Variants in CAMK1D observed in about 807,000 individuals in gnomAD.
The protein encoded by CAMK1D is calcium/calmodulin-dependent protein kinase type 1D.
Under a neutral mutation model 47.7 loss-of-function variants are expected in CAMK1D, and 9 were observed. The observed-to-expected ratio is 0.19, with a 90% CI of 0.11 to 0.33. The LOEUF is 0.33. Among genes scored for constraint, CAMK1D ranks in the 10% least tolerant of loss-of-function variants. The probability of loss-of-function intolerance (pLI) is 1.00; values close to 1 mark genes in which losing one functional copy is unlikely to be tolerated. For missense variants in CAMK1D, 291 were observed against 488.7 expected (o/e 0.60, Z 3.81); for synonymous variants, 184 against 184.9 (o/e 0.99, Z 0.04).
In CAMK1D at chr10:12,449,085, T is replaced by C. The variant is rs1427727405; in HGVS notation, c.92+99175T>C. 3.9e-5 allele frequency among the ~76,000 whole-genome samples: 6 copies of C among 152,232 alleles called. 1 individual carries two copies. Among genetic ancestry groups the C allele is most frequent in the Non-Finnish European group, 5.9e-5 (4 of 68,034 alleles). On this transcript the variant is annotated intron_variant, in intron 1 of 10. Coordinates refer to ENST00000619168, the MANE Select transcript of CAMK1D (RefSeq NM_153498.4). Reference sequence around the variant, plus strand: ...TCTATTACGTCATGTTACTATGTTATGAAAGATTCCAGTTCCTTGGTGCAC... The same window carrying C: ...TCTATTACGTCATGTTACTATGTTACGAAAGATTCCAGTTCCTTGGTGCAC...
intron 1 of CAMK1D, among the ~76,000 whole-genome samples, chr10:12,379,286 C>T (rs1011446047): frequency 2.0e-5 from 3 of 152,206 alleles, no homozygotes; most frequent in Non-Finnish European, 4.4e-5. Flanking sequence ...AGCATGACTG[C>T]TCACCAGGGA....
chr10:12,683,704 C>G (rs1832539341), intron 3 of CAMK1D, among the ~76,000 whole-genome samples: 1 of 150,118 alleles, frequency 6.7e-6, no homozygotes, highest in Non-Finnish European at 1.5e-5. Flanking sequence ...ATAATAGGTT[C>G]ATAATAAATT....
rs117604487 is a variant in CAMK1D at position 12,639,784 on chromosome 10, A to G, written c.225-26952A>G. On this transcript the variant is annotated intron_variant, in intron 2 of 10. Transcript: ENST00000619168. The stretch of plus-strand genomic sequence containing the variant: ...TGTAAGCCCTTAGATGCTTCTCATG[A>G]TAATGCTTCTGGAAACAGATTGTTA... 1.6e-3 allele frequency among the ~76,000 whole-genome samples: 237 copies of G among 152,260 alleles called. 6 individuals are homozygous for G. In the East Asian group the frequency reaches 0.038, roughly 25 times the overall value.
intron 2 of CAMK1D, among the ~76,000 whole-genome samples, chr10:12,586,279 A>G (rs184369388): frequency 4.1e-4 from 62 of 152,230 alleles, no homozygotes; most frequent in Admixed American, 3.7e-3. Flanking sequence ...GGCTAAAGAA[A>G]GTCGATTCCA....
intron 2 of CAMK1D, among the ~76,000 whole-genome samples, chr10:12,590,772 G>A (rs1482039075): frequency 2.6e-5 from 4 of 152,172 alleles, no homozygotes; most frequent in South Asian, 2.1e-4. Flanking sequence ...AACTATAAAG[G>A]ACTTGAGATT....
At chr10:12,414,425 T>C (rs1839774592) in intron 1 of CAMK1D, among the ~76,000 whole-genome samples, 1 of 152,214 alleles carries the variant, frequency 6.6e-6, no homozygotes, top group Non-Finnish European at 1.5e-5. Context: ...TAGGGAAAAA[T>C]AGCTGGGGAG....
intron 1 of CAMK1D, among the ~76,000 whole-genome samples, chr10:12,409,566 ACAC>A (rs1308172608): frequency 5.3e-5 from 8 of 152,248 alleles, no homozygotes; most frequent in Non-Finnish European, 1.2e-4. Context: ...CTACAAGTTG[ACAC>A]CATCACACCT....
chr10:12,828,671 C>T (rs1390726212), intron 10 of CAMK1D, 98 bp from the exon 11 acceptor site: 2 of 921,682 alleles, frequency 2.2e-6, no homozygotes, highest in African/African-American at 3.3e-5. Context: ...CCCCCCCGCC[C>T]CCCACCATAA....
At chr10:12,782,569 C>T (rs939717538) in intron 5 of CAMK1D, among the ~76,000 whole-genome samples, 1 of 152,202 alleles carries the variant, frequency 6.6e-6, no homozygotes, top group African/African-American at 2.4e-5. Context: ...CTCTGATACG[C>T]AGTGTCGCAA....
chr10:12,525,293 C>G (rs1835583902), intron 1 of CAMK1D, among the ~76,000 whole-genome samples: 1 of 152,078 alleles, frequency 6.6e-6, no homozygotes, highest in South Asian at 2.1e-4. Flanking sequence ...AAGTTTTCAG[C>G]CATTCTTTCT....
chr10:12,557,477 G>A (rs1349187461), intron 2 of CAMK1D, among the ~76,000 whole-genome samples: 3 of 150,568 alleles, frequency 2.0e-5, no homozygotes, highest in Admixed American at 1.3e-4. Flanking sequence ...GTGTGAACCC[G>A]GGAGGCAGAG....
chr10:12,428,917 C>T (rs776491646), intron 1 of CAMK1D, among the ~76,000 whole-genome samples: 1 of 152,202 alleles, frequency 6.6e-6, no homozygotes, highest in Admixed American at 6.5e-5. Context: ...CAGAAGAGGG[C>T]GCTCACCAGA....
intron 3 of CAMK1D, among the ~76,000 whole-genome samples, chr10:12,752,912 A>G (rs1175039841): frequency 6.6e-6 from 1 of 152,202 alleles, no homozygotes; most frequent in Non-Finnish European, 1.5e-5. Flanking sequence ...TCATGTACTC[A>G]AGGAATATCA....
At chr10:12,701,159 C>T (rs1024230681) in intron 3 of CAMK1D, among the ~76,000 whole-genome samples, 4 of 150,426 alleles carry the variant, frequency 2.7e-5, no homozygotes, top group Non-Finnish European at 5.9e-5. Context: ...GTCACCCAGG[C>T]TGGAGTGCAA....
chr10:12,816,302 G>C lies in CAMK1D; in HGVS notation c.807G>C (p.Thr269=). The C allele has an allele frequency of 6.2e-7, 1 of 1,613,752 alleles. No individual in the cohort carries two copies. The highest frequency in any genetic ancestry group is 1.1e-5 in the South Asian group (1 of 90,978). ...LMEKDPNKRY[T]CEQAARHPWI... is the part of the protein sequence containing the mutation. ...AGAAGGACCCGAATAAAAGATACAC[G>C]TGTGAGCAGGCAGCTCGGCACCCAT... Residue 269 remains threonine (T), a synonymous_variant, in exon 8 of 11, where the codon ACG becomes ACC. Coordinates refer to ENST00000619168, the MANE Select transcript of CAMK1D (RefSeq NM_153498.4).
chr10:12,387,390 T>TAATATATATATTATATATTATATATATTA (rs1564306892), intron 1 of CAMK1D, among the ~76,000 whole-genome samples: 1 of 31,986 alleles, frequency 3.1e-5, no homozygotes, highest in Non-Finnish European at 9.2e-5. Context: ...ATTATATATA[T>TAATATATATATTATATATTATATATATTA]TATATATTTT....
chr10:12,573,257 G>A (rs1436846770), intron 2 of CAMK1D, among the ~76,000 whole-genome samples: 6 of 152,254 alleles, frequency 3.9e-5, no homozygotes. Flanking sequence ...CTGCTCTGAT[G>A]CTGGGTTTGC....
At chr10:12,695,682 A>T (rs980734275) in intron 3 of CAMK1D, among the ~76,000 whole-genome samples, 2 of 152,052 alleles carry the variant, frequency 1.3e-5, no homozygotes, top group African/African-American at 4.8e-5. Flanking sequence ...GTTACTAATG[A>T]CCATGTTTTG....
intron 2 of CAMK1D, among the ~76,000 whole-genome samples, chr10:12,557,413 A>G (rs1398180258): frequency 1.3e-5 from 2 of 151,888 alleles, no homozygotes; most frequent in African/African-American, 2.4e-5. Context: ...TTGGCCGGGT[A>G]TGGTGGTGGG....
Sources: gnomAD v4.1 joint callset for allele counts (sites outside exome capture counted in the v4.1 genomes callset) on GRCh38, gnomAD v4.1.1 for gene constraint, MANE v1.5 for transcripts, NCBI Gene and HGNC (gene_info 2026-07-23, HGNC 2026-07-21) for gene names.